ARHGAP15: variants seen among roughly 807,000 people sequenced by gnomAD.
ARHGAP15 encodes the protein rho GTPase-activating protein 15.
Under a neutral mutation model 63.7 loss-of-function variants are expected in ARHGAP15, and 51 were observed. The observed-to-expected ratio is 0.80, with a 90% CI of 0.64 to 1.01. ARHGAP15 has a LOEUF of 1.01. Among genes scored for constraint, ARHGAP15 ranks in the 50% least tolerant of loss-of-function variants. The pLI is 0.00. For missense variants in ARHGAP15, 560 were observed against 564.6 expected (o/e 0.99, Z 0.08); for synonymous variants, 191 against 193.8 (o/e 0.99, Z 0.12).
chr2:143,705,403 T>C (rs1293978453), intron 13 of ARHGAP15, among the ~76,000 whole-genome samples: 1 of 152,202 alleles, frequency 6.6e-6, no homozygotes, highest in Non-Finnish European at 1.5e-5. Flanking sequence ...CCTTGCTCTA[T>C]GCTTTACTCC....
At chr2:143,194,263 A>G (rs879637861) in intron 2 of ARHGAP15, among the ~76,000 whole-genome samples, 11 of 152,226 alleles carry the variant, frequency 7.2e-5, no homozygotes, top group Non-Finnish European at 1.0e-4. Context: ...AGTTGTGGAT[A>G]AAATATCAGT....
At chr2:143,251,967 C>A (rs997680147) in intron 6 of ARHGAP15, among the ~76,000 whole-genome samples, 3 of 152,016 alleles carry the variant, frequency 2.0e-5, no homozygotes, top group African/African-American at 7.2e-5. Flanking sequence ...AGCCTTATGA[C>A]AACTTAGATG....
intron 10 of ARHGAP15, among the ~76,000 whole-genome samples, chr2:143,543,507 C>T (rs1474527101): frequency 6.6e-6 from 1 of 152,082 alleles, no homozygotes; most frequent in Non-Finnish European, 1.5e-5. Flanking sequence ...TAGGTTGCCA[C>T]TCCACTCTGT....
intron 12 of ARHGAP15, among the ~76,000 whole-genome samples, chr2:143,699,162 A>T (rs1475510055): frequency 6.6e-6 from 1 of 152,094 alleles, no homozygotes; most frequent in South Asian, 2.1e-4. Context: ...AATGTATCCA[A>T]TTGTATTTTT....
At chr2:143,143,476 T>G (rs1689453751) in intron 1 of ARHGAP15, among the ~76,000 whole-genome samples, 1 of 152,022 alleles carries the variant, frequency 6.6e-6, no homozygotes, top group South Asian at 2.1e-4. Flanking sequence ...CTGGGCTTCT[T>G]GAAAGGAAGC....
chr2:143,189,146 T>C (rs1691570845), intron 2 of ARHGAP15, among the ~76,000 whole-genome samples: 1 of 152,214 alleles, frequency 6.6e-6, no homozygotes, highest in East Asian at 1.9e-4. Context: ...TTTGAAAGCA[T>C]TCTTCTAGCC....
intron 10 of ARHGAP15, among the ~76,000 whole-genome samples, chr2:143,532,257 G>C (rs1694552605): frequency 6.6e-6 from 1 of 152,128 alleles, no homozygotes; most frequent in Non-Finnish European, 1.5e-5. Context: ...AGCTTTAATG[G>C]GAATTTCCTG....
intron 6 of ARHGAP15, among the ~76,000 whole-genome samples, chr2:143,282,457 G>T (rs1157259455): frequency 6.6e-6 from 1 of 152,074 alleles, no homozygotes; most frequent in African/African-American, 2.4e-5. Context: ...TACATGGGTG[G>T]TGGCAGGCAA....
rs1261630612 is a variant in ARHGAP15, at chr2:143,351,833, T to C, written c.475-83768T>C. On this transcript the variant is annotated intron_variant, in intron 6 of 13. Transcript: ENST00000295095. ...GTGATATGGCATGGAATTAGGAATATGATATTTCTCTCTTTGATAAAAGAG... is the reference window on the plus strand; with the variant it reads ...GTGATATGGCATGGAATTAGGAATACGATATTTCTCTCTTTGATAAAAGAG... Among the ~76,000 whole-genome samples, 3 of 152,316 alleles carry C rather than the reference T, an allele frequency of 2.0e-5. No homozygotes were observed. In the East Asian group the frequency reaches 5.8e-4, roughly 29 times the overall value.
chr2:143,362,102 C>A (rs796671171), intron 6 of ARHGAP15, among the ~76,000 whole-genome samples: 12 of 152,270 alleles, frequency 7.9e-5, no homozygotes, highest in African/African-American at 2.6e-4. Context: ...CACATTTCCT[C>A]ATTTTTCCTC....
chr2:143,275,156 A>G (rs1037383916), intron 6 of ARHGAP15, among the ~76,000 whole-genome samples: 3 of 152,146 alleles, frequency 2.0e-5, no homozygotes, highest in African/African-American at 7.2e-5. Context: ...TCCATCTCAA[A>G]GAAAACAAAA....
At chr2:143,223,712 C>G (rs1281460153) in intron 4 of ARHGAP15, among the ~76,000 whole-genome samples, 1 of 152,132 alleles carries the variant, frequency 6.6e-6, no homozygotes, top group East Asian at 1.9e-4. Context: ...TCCTTATCTC[C>G]CCCTCTTAGC....
intron 6 of ARHGAP15, among the ~76,000 whole-genome samples, chr2:143,296,456 A>T (rs1004626845): frequency 6.6e-6 from 1 of 152,016 alleles, no homozygotes; most frequent in Admixed American, 6.6e-5. Flanking sequence ...GTAATAGCAC[A>T]ATAGAATCTA....
intron 11 of ARHGAP15, among the ~76,000 whole-genome samples, chr2:143,564,523 G>T (rs1696146518): frequency 6.6e-6 from 1 of 152,140 alleles, no homozygotes; most frequent in South Asian, 2.1e-4. Context: ...GATAAGTAAA[G>T]TGCATAGCCA....
chr2:143,531,245 T>C (rs1217779708), intron 10 of ARHGAP15, among the ~76,000 whole-genome samples: 1 of 152,176 alleles, frequency 6.6e-6, no homozygotes, highest in African/African-American at 2.4e-5. Flanking sequence ...TAAATGTAAT[T>C]ATAGCTTTAT....
chr2:143,758,782 T>C (rs1431560847), intron 13 of ARHGAP15, among the ~76,000 whole-genome samples: 1 of 152,178 alleles, frequency 6.6e-6, no homozygotes, highest in African/African-American at 2.4e-5. Context: ...GTTCTCAAGA[T>C]GTGGTTCCCA....
At chr2:143,166,139 T>G (rs151187109) in intron 2 of ARHGAP15, among the ~76,000 whole-genome samples, 2 of 152,104 alleles carry the variant, frequency 1.3e-5, no homozygotes, top group Admixed American at 6.6e-5. Context: ...TCATGTGACA[T>G]CCCGATTATT....
At chr2:143,581,008 A>G (rs942615398) in intron 11 of ARHGAP15, among the ~76,000 whole-genome samples, 3 of 152,194 alleles carry the variant, frequency 2.0e-5, no homozygotes, top group Non-Finnish European at 2.9e-5. Context: ...GATCATCACA[A>G]TAATCCCACT....
chr2:143,491,428 T>C (rs956116815), intron 9 of ARHGAP15, among the ~76,000 whole-genome samples: 2 of 152,214 alleles, frequency 1.3e-5, no homozygotes, highest in Non-Finnish European at 2.9e-5. Flanking sequence ...GTCAAAATAA[T>C]AGCATCAGAG....
Sources: allele counts gnomAD v4.1 joint callset (sites outside exome capture counted in the v4.1 genomes callset), GRCh38; gene constraint gnomAD v4.1.1; transcripts MANE v1.5; gene names NCBI Gene and HGNC (gene_info 2026-07-23, HGNC 2026-07-21).